SLC29A3: variants seen among roughly 807,000 people sequenced by gnomAD.
SLC29A3 encodes the protein solute carrier family 29 member 3.
A neutral mutation model predicts 25.4 loss-of-function variants in SLC29A3; 18 were observed. The ratio of observed to expected loss-of-function variants is 0.71; its 90% CI spans 0.49 to 1.05. The LOEUF is 1.05. Ranked by LOEUF, SLC29A3 falls within the 50% of genes least tolerant of loss-of-function variation. The pLI, the probability that SLC29A3 is intolerant of heterozygous loss-of-function variation, is 0.00. For synonymous variants in SLC29A3, 258 were observed against 267.1 expected, an observed-to-expected ratio of 0.97 and a Z score of 0.33; for missense variants, 586 against 609.0, an observed-to-expected ratio of 0.96 and a Z score of 0.40.
At chr10:71,345,325 T>C (rs1214136964) in intron 3 of SLC29A3, among the ~76,000 whole-genome samples, 1 of 152,248 alleles carries the variant, frequency 6.6e-6, no homozygotes, top group Non-Finnish European at 1.5e-5. Flanking sequence ...TGCAGTCAGA[T>C]GGCAGCTGGA....
chr10:71,345,775 C>T (rs2249987), intron 3 of SLC29A3, among the ~76,000 whole-genome samples: 98,197 of 152,144 alleles, frequency 0.65, 33,416 homozygotes, highest in Non-Finnish European at 0.76. Flanking sequence ...GCAGGGGTCC[C>T]GGCTGCGCCT....
Position 71,362,350 on chromosome 10 carries a change from C to T in SLC29A3, c.1170C>T (p.Ile390=). 6.2e-7 allele frequency: 1 copy of T among 1,614,198 alleles called. No homozygotes were observed. Among genetic ancestry groups the T allele is most frequent in the Non-Finnish European group, 8.5e-7 (1 of 1,180,034 alleles). The change falls in exon 6 of 6, where the codon ATC becomes ATT. Residue 390 remains isoleucine (I), a synonymous_variant. Transcript: ENST00000373189. Reference sequence around the variant, plus strand: ...TCGTGCTCCTCCGGACCTGCCTCATCCCCCTCTTCGTGCTCTGTAACTACC... The same window carrying T: ...TCGTGCTCCTCCGGACCTGCCTCATTCCCCTCTTCGTGCTCTGTAACTACC... The part of the protein sequence containing the change: ...PGFVLLRTCL[I]PLFVLCNYQP...
In SLC29A3 at chr10:71,350,314, C is replaced by CGTGTGTGTGTGTGTGT. The variant is rs775651402; in HGVS notation, c.384-1227_384-1212dup. Among the ~76,000 whole-genome samples the CGTGTGTGTGTGTGTGT allele has an allele frequency of 2.6e-4, 37 of 142,578 alleles. 1 individual carries two copies. Among genetic ancestry groups the CGTGTGTGTGTGTGTGT allele is most frequent in the South Asian group, 9.6e-4 (4 of 4,146 alleles). 93.5% of individuals were successfully genotyped at this position (142,578 alleles called of 152,430 possible). ...TTTCTTGCTCATCATTTCACACCTACGTGTGTGTGTGTGTGTGTGTGTGTG... is the reference window on the plus strand; with the variant it reads ...TTTCTTGCTCATCATTTCACACCTACGTGTGTGTGTGTGTGTGTGTGTGTGTGTGTGTGTGTGTGTG... On this transcript the variant is annotated intron_variant, in intron 3 of 5. Coordinates refer to ENST00000373189, the MANE Select transcript of SLC29A3 (RefSeq NM_018344.6).
At chr10:71,334,748 G>A (rs1846201120) in intron 2 of SLC29A3, among the ~76,000 whole-genome samples, 2 of 152,088 alleles carry the variant, frequency 1.3e-5, no homozygotes, top group African/African-American at 4.8e-5. Context: ...ACCTGCCTGG[G>A]CCCCAGCCTC....
chr10:71,320,618 C>T (rs957460442), intron 1 of SLC29A3, among the ~76,000 whole-genome samples: 3 of 152,168 alleles, frequency 2.0e-5, no homozygotes, highest in African/African-American at 4.8e-5. Context: ...GGCCTCCATG[C>T]GAATCCAGGC....
In SLC29A3 at chr10:71,323,055, G is replaced by C. The variant is rs587780463; in HGVS notation, c.300+1G>C. The C allele has an allele frequency of 1.9e-6, 3 of 1,612,758 alleles. No homozygotes were observed. Among genetic ancestry groups the C allele is most frequent in the Non-Finnish European group, 1.7e-6 (2 of 1,180,044 alleles). ...GGACCCTGAGGGCTCAGACATCCTG[G>C]TAAGGGCATGTTTCTCCTGCAAGGC... On this transcript the variant is annotated splice_donor_variant, in intron 2 of 5. Coordinates refer to ENST00000373189, the MANE Select transcript of SLC29A3 (RefSeq NM_018344.6). LOFTEE classifies it high-confidence loss of function.
chr10:71,326,327 G>A (rs990107109), intron 2 of SLC29A3, among the ~76,000 whole-genome samples: 1 of 152,202 alleles, frequency 6.6e-6, no homozygotes, highest in African/African-American at 2.4e-5. Context: ...TTAGGACAGG[G>A]CCTGGCACCC....
intron 2 of SLC29A3, among the ~76,000 whole-genome samples, chr10:71,334,337 A>T (rs1172240115): frequency 6.6e-6 from 1 of 152,246 alleles, no homozygotes; most frequent in Non-Finnish European, 1.5e-5. Flanking sequence ...TCCAGTGTTC[A>T]CACAAAGGAA....
At chr10:71,338,208 G>A (rs1025484922) in intron 2 of SLC29A3, among the ~76,000 whole-genome samples, 6 of 152,240 alleles carry the variant, frequency 3.9e-5, no homozygotes, top group Non-Finnish European at 8.8e-5. Context: ...GAGCTTGGAA[G>A]CCTGCCCCAT....
At chr10:71,349,430 C>T (rs569118344) in intron 3 of SLC29A3, among the ~76,000 whole-genome samples, 26 of 152,120 alleles carry the variant, frequency 1.7e-4, no homozygotes, top group African/African-American at 6.0e-4. Context: ...CTTCTCTCCA[C>T]GGCTCCCATG....
At position 71,352,286 on chromosome 10, in the gene SLC29A3, T is replaced by C. The variant is rs144842766; in HGVS notation, c.610+498T>C. Among the ~76,000 whole-genome samples the C allele has an allele frequency of 8.0e-3, 1,218 of 152,270 alleles. 35 individuals carry two copies. Among genetic ancestry groups the C allele is most frequent in the East Asian group, 0.063 (325 of 5,180 alleles). On this transcript the variant is annotated intron_variant, in intron 4 of 5. Transcript: ENST00000373189. ...AAGCCACATAGGGTCAGTTCTGCCA[T>C]AGCCATAAGCTCACCCAGACTCAAG...
chr10:71,379,090 G>A (rs1178326571), intron 4 of SLC29A3, among the ~76,000 whole-genome samples: 2 of 152,192 alleles, frequency 1.3e-5, no homozygotes, highest in Admixed American at 1.3e-4. Flanking sequence ...GGGAGATGTT[G>A]CCCCCCAACG....
chr10:71,344,199 G>T lies in SLC29A3; in HGVS notation c.301-10G>T. 6.2e-7 allele frequency: 1 copy of T among 1,613,254 alleles called. No homozygotes were observed. The highest frequency in any genetic ancestry group is 8.5e-7 in the Non-Finnish European group (1 of 1,179,254). On this transcript the variant is annotated splice_polypyrimidine_tract_variant and intron_variant, in intron 2 of 5. Coordinates refer to ENST00000373189, the MANE Select transcript of SLC29A3 (RefSeq NM_018344.6). ...GTGACCGCAGCACCTCCTCACTTGT[G>T]TGCTTGCAGAACTACTTTGAGAGCT... is the stretch of plus-strand genomic sequence containing the variant.
At chr10:71,361,280 G>A (rs1010128924) in intron 5 of SLC29A3, among the ~76,000 whole-genome samples, 1 of 152,022 alleles carries the variant, frequency 6.6e-6, no homozygotes, top group South Asian at 2.1e-4. Flanking sequence ...CTGGGACTAT[G>A]GGCATATACC....
rs78874538 is a variant in SLC29A3, at chr10:71,343,614, A to G, written c.301-595A>G. Among the ~76,000 whole-genome samples, 123 of 152,268 alleles carry G rather than the reference A, an allele frequency of 8.1e-4. 1 individual carries two copies. The highest frequency in any genetic ancestry group is 2.8e-3 in the African/African-American group (117 of 41,536). On this transcript the variant is annotated intron_variant, in intron 2 of 5. Transcript: ENST00000373189. ...GGGAGCAGGGCCTCTTGTATATCTA[A>G]GAGGTCACTTTGTGGCAAGAAAGCG...
At chr10:71,339,409 C>T (rs1282525872) in intron 2 of SLC29A3, among the ~76,000 whole-genome samples, 2 of 152,166 alleles carry the variant, frequency 1.3e-5, no homozygotes, top group East Asian at 1.9e-4. Context: ...GATAGTGGTG[C>T]GCAGGGAGAT....
intron 5 of SLC29A3, 139 bp from the exon 6 acceptor site, chr10:71,361,815 G>T (rs1302519929): frequency 7.2e-6 from 7 of 974,608 alleles, no homozygotes; most frequent in Non-Finnish European, 1.1e-5. Flanking sequence ...TCATCTCAGG[G>T]AACGCTGGAG....
At position 71,347,477 on chromosome 10, in the gene SLC29A3, A is replaced by C. The variant is rs189338359; in HGVS notation, c.383+3186A>C. 7.9e-5 allele frequency among the ~76,000 whole-genome samples: 12 copies of C among 152,144 alleles called. No homozygotes were observed. The East Asian group carries it at 2.1e-3, about 27-fold the overall frequency. ...GACATTACAGCAGCTGAAAGTCTAG[A>C]CTTTCCTAAGACCCTAAGAGCACGA... On this transcript the variant is annotated intron_variant, in intron 3 of 5. Transcript: ENST00000373189.
chr10:71,332,137 CTTTTTCTTT>C (rs1484977710), intron 2 of SLC29A3, among the ~76,000 whole-genome samples: 29 of 146,296 alleles, frequency 2.0e-4, no homozygotes, highest in Non-Finnish European at 3.3e-4. Flanking sequence ...CTTCTCTTTT[CTTTTTCTTT>C]TTTTTCTTTT....
Sources: allele counts gnomAD v4.1 joint callset (sites outside exome capture counted in the v4.1 genomes callset), GRCh38; gene constraint gnomAD v4.1.1; transcripts MANE v1.5; gene names NCBI Gene and HGNC (gene_info 2026-07-23, HGNC 2026-07-21).